Variants in MSI2 observed in about 807,000 individuals in gnomAD.
MSI2 encodes the protein musashi RNA binding protein 2.
A neutral mutation model predicts 45.6 loss-of-function variants in MSI2; 17 were observed. The observed-to-expected ratio is 0.37, with a 90% confidence interval of 0.26 to 0.56. The LOEUF is 0.56. MSI2 is among the 20% of genes least tolerant of loss of function. The pLI is 0.77. For missense variants in MSI2, 293 were observed against 444.2 expected, an observed-to-expected ratio of 0.66 and a Z score of 3.06; for synonymous variants, 156 against 158.2, an observed-to-expected ratio of 0.99 and a Z score of 0.11.
intron 5 of MSI2, among the ~76,000 whole-genome samples, chr17:57,371,569 AC>A (rs61194662): frequency 0.09 from 12,659 of 140,002 alleles, 654 homozygotes; most frequent in Non-Finnish European, 0.12. Context: ...ACACACACAC[AC>A]AAATCATTGG....
At chr17:57,494,761 A>G (rs1471420101) in intron 6 of MSI2, among the ~76,000 whole-genome samples, 1 of 152,084 alleles carries the variant, frequency 6.6e-6, no homozygotes, top group African/African-American at 2.4e-5. Flanking sequence ...CACCTGGTCT[A>G]TGGCCATGGC....
At chr17:57,615,188 C>T (rs1000173703) in intron 8 of MSI2, among the ~76,000 whole-genome samples, 7 of 147,712 alleles carry the variant, frequency 4.7e-5, no homozygotes, top group African/African-American at 1.0e-4. Context: ...AGTGCAGTGG[C>T]GTGATCATGG....
At chr17:57,256,901 C>T in intron 1 of MSI2, 97 bp downstream of exon 1, 2 of 658,654 alleles carry the variant, frequency 3.0e-6, no homozygotes, top group East Asian at 3.5e-5. Flanking sequence ...TCCCGCGCCC[C>T]CCCGCCTCTC....
chr17:57,506,735 G>A (rs1454485481), intron 6 of MSI2, among the ~76,000 whole-genome samples: 2 of 152,212 alleles, frequency 1.3e-5, no homozygotes, highest in African/African-American at 4.8e-5. Flanking sequence ...AGCAAATCTG[G>A]AGCTTGCTTT....
At chr17:57,591,947 C>T (rs1904869048) in intron 7 of MSI2, among the ~76,000 whole-genome samples, 2 of 151,466 alleles carry the variant, frequency 1.3e-5, no homozygotes, top group African/African-American at 2.4e-5. Flanking sequence ...CTGAGGCAGG[C>T]GGATCACCTG....
chr17:57,452,153 T>C (rs1338649819), intron 6 of MSI2, among the ~76,000 whole-genome samples: 1 of 152,202 alleles, frequency 6.6e-6, no homozygotes, highest in Admixed American at 6.5e-5. Flanking sequence ...GTTAACCAGT[T>C]TGGCCGGCTT....
rs371638092 is a variant in MSI2 at position 57,269,347 on chromosome 17, C to G, written c.312+7155C>G. Among the ~76,000 whole-genome samples the G allele has an allele frequency of 3.3e-5, 5 of 152,250 alleles. No homozygotes were observed. In the East Asian group the frequency reaches 9.7e-4, roughly 29 times the overall value. On this transcript the variant is annotated intron_variant, in intron 5 of 13. Transcript: ENST00000284073. ...GTCTGTGCGGGTGTATGGGGATGCC[C>G]TGTGGAATGTTCTGAGCTCATTCAG...
rs1358930650 is a variant in MSI2, at chr17:57,682,118, T to C, written c.*2601T>C. ...AGGTTTAAAAAAAATTAGACATAGT[T>C]ATTCAGATTTAGGACCAGTAAGGAT... On this transcript the variant is annotated 3_prime_UTR_variant, in exon 14 of 14. Coordinates refer to ENST00000284073, the MANE Select transcript of MSI2 (RefSeq NM_138962.4). 1 of 197,636 alleles carries C rather than the reference T, an allele frequency of 5.1e-6. No individual in the cohort carries two copies. The highest frequency in any genetic ancestry group is 1.0e-5 in the Non-Finnish European group (1 of 95,542). The allele number at this position is 197,636 out of a possible 1,614,324, so 12.2% of individuals were successfully genotyped here.
chr17:57,671,387 G>A (rs1759815440), intron 11 of MSI2: 1 of 152,228 alleles, frequency 6.6e-6, no homozygotes, highest in Admixed American at 6.5e-5. Flanking sequence ...CACCCTAGCT[G>A]AGCAGTAGAC....
At chr17:57,568,767 G>A (rs2087801117) in intron 7 of MSI2, among the ~76,000 whole-genome samples, 1 of 152,222 alleles carries the variant, frequency 6.6e-6, no homozygotes, top group Admixed American at 6.5e-5. Context: ...AAGGAGGGGA[G>A]TACCTGTGGC....
intron 9 of MSI2, among the ~76,000 whole-genome samples, chr17:57,624,808 G>T (rs530166770): frequency 6.6e-6 from 1 of 152,258 alleles, no homozygotes; most frequent in Admixed American, 6.5e-5. Flanking sequence ...CTGTTGCAAG[G>T]GACCCACAAG....
intron 5 of MSI2, among the ~76,000 whole-genome samples, chr17:57,368,428 C>T (rs534321803): frequency 4.6e-5 from 7 of 151,992 alleles, no homozygotes; most frequent in South Asian, 2.1e-4. Flanking sequence ...TGGTGGTGGG[C>T]GCCTGTAATC....
At chr17:57,458,255 C>A (rs2085155033) in intron 6 of MSI2, among the ~76,000 whole-genome samples, 1 of 152,062 alleles carries the variant, frequency 6.6e-6, no homozygotes, top group African/African-American at 2.4e-5. Flanking sequence ...CGCCCACCAC[C>A]ACGCCTGGCT....
intron 6 of MSI2, among the ~76,000 whole-genome samples, chr17:57,470,951 C>G (rs2085423976): frequency 1.3e-5 from 2 of 149,192 alleles, no homozygotes; most frequent in South Asian, 4.1e-4. Flanking sequence ...AGTTCCTGCT[C>G]TGGAGTGGCC....
At chr17:57,260,454 C>T (rs1406025110) in intron 4 of MSI2, among the ~76,000 whole-genome samples, 2 of 152,114 alleles carry the variant, frequency 1.3e-5, no homozygotes, top group African/African-American at 4.8e-5. Context: ...ACACCTGTTA[C>T]CCCATAAACA....
At chr17:57,363,622 C>T (rs1044309373) in intron 5 of MSI2, among the ~76,000 whole-genome samples, 2 of 152,164 alleles carry the variant, frequency 1.3e-5, no homozygotes, top group Non-Finnish European at 1.5e-5. Flanking sequence ...GCCTGTAATC[C>T]CAGCTACTCA....
At chr17:57,628,734 G>A (rs1394632802) in intron 10 of MSI2, 1 of 152,610 alleles carries the variant, frequency 6.6e-6, no homozygotes, top group Non-Finnish European at 1.5e-5. Context: ...TGTCCCCTGG[G>A]GCTGGGATGG....
intron 10 of MSI2, among the ~76,000 whole-genome samples, chr17:57,648,913 C>T (rs1431784950): frequency 6.6e-6 from 1 of 152,164 alleles, no homozygotes; most frequent in African/African-American, 2.4e-5. Flanking sequence ...GCCACTCTGC[C>T]AGGCGTCTCT....
At chr17:57,699,182 A>AGAGAGAGAGAGTGTGT in the MSI2 span, among the ~76,000 whole-genome samples, 1 of 25,086 alleles carries the variant, frequency 4.0e-5, no homozygotes. Flanking sequence ...AGAGAGAGAG[A>AGAGAGAGAGAGTGTGT]GTGTGTGTGT....
Sources: allele counts gnomAD v4.1 joint callset (sites outside exome capture counted in the v4.1 genomes callset), GRCh38; gene constraint gnomAD v4.1.1; transcripts MANE v1.5; gene names NCBI Gene and HGNC (gene_info 2026-07-23, HGNC 2026-07-21).